Variants in VSTM2L observed in about 807,000 individuals in gnomAD.
The protein encoded by VSTM2L is V-set and transmembrane domain-containing protein 2-like protein.
VSTM2L carries 9 observed loss-of-function variants against 19.9 expected under a neutral mutation model. That is an observed-to-expected ratio of 0.45 (90% CI 0.27 to 0.79). The LOEUF (loss-of-function observed/expected upper bound fraction) is 0.79, where lower values mean the gene tolerates loss of function less well. VSTM2L is among the 30% of genes least tolerant of loss of function. VSTM2L has a pLI of 0.15. For synonymous variants in VSTM2L, 127 were observed against 133.8 expected, an observed-to-expected ratio of 0.95 and a Z score of 0.35; for missense variants, 286 against 295.5, an observed-to-expected ratio of 0.97 and a Z score of 0.24.
At chr20:37,911,443 G>A (rs2072779087) in intron 1 of VSTM2L, among the ~76,000 whole-genome samples, 1 of 151,952 alleles carries the variant, frequency 6.6e-6, no homozygotes, top group South Asian at 2.1e-4. Flanking sequence ...TGTTGAAGTA[G>A]GCAGAGCAGC....
At chr20:37,940,562 A>G (rs555642839) in intron 3 of VSTM2L, among the ~76,000 whole-genome samples, 1 of 152,322 alleles carries the variant, frequency 6.6e-6, no homozygotes, top group South Asian at 2.1e-4. Context: ...GAGCGCATGG[A>G]GCCTGTTCCC....
At chr20:37,925,405 A>G (rs2072874136) in intron 1 of VSTM2L, among the ~76,000 whole-genome samples, 1 of 152,078 alleles carries the variant, frequency 6.6e-6, no homozygotes, top group South Asian at 2.1e-4. Flanking sequence ...GAGGGGAGAG[A>G]GTCTCTGGAA....
At chr20:37,918,677 G>A (rs976644046) in intron 1 of VSTM2L, among the ~76,000 whole-genome samples, 3 of 152,218 alleles carry the variant, frequency 2.0e-5, no homozygotes, top group Non-Finnish European at 4.4e-5. Context: ...CAGGGACCCT[G>A]TGGAAATGGT....
At chr20:37,904,238 CATGGGA>C (rs1459705591) in intron 1 of VSTM2L, among the ~76,000 whole-genome samples, 2 of 152,236 alleles carry the variant, frequency 1.3e-5, no homozygotes, top group Non-Finnish European at 2.9e-5. Context: ...CAGCCAGAGG[CATGGGA>C]GTGGGAGTGG....
intron 1 of VSTM2L, among the ~76,000 whole-genome samples, chr20:37,918,727 G>T (rs1480734517): frequency 6.6e-6 from 1 of 152,142 alleles, no homozygotes; most frequent in Non-Finnish European, 1.5e-5. Context: ...ACCCCTCTCT[G>T]GTATGCCCTT....
At chr20:37,943,956 G>A (rs2072989990) in intron 3 of VSTM2L, 25 bp from the exon 4 acceptor site, 2 of 1,447,176 alleles carry the variant, frequency 1.4e-6, no homozygotes, top group East Asian at 5.2e-5. Context: ...GGATGGACAG[G>A]TCACGGTCTC....
chr20:37,910,816 C>T (rs1474948575), intron 1 of VSTM2L, among the ~76,000 whole-genome samples: 1 of 151,272 alleles, frequency 6.6e-6, no homozygotes, highest in Non-Finnish European at 1.5e-5. Context: ...ACTTGGGAGG[C>T]TGGGGTGGGA....
Position 37,926,091 on chromosome 20 carries a change from C to T in VSTM2L, c.122-5544C>T, listed in dbSNP as rs543062230. Among the ~76,000 whole-genome samples, 6 of 152,256 alleles carry T rather than the reference C, an allele frequency of 3.9e-5. No individual in the cohort carries two copies. The South Asian group carries it at 8.3e-4, about 21-fold the overall frequency. On this transcript the variant is annotated intron_variant, in intron 1 of 3. Coordinates refer to ENST00000373461, the MANE Select transcript of VSTM2L (RefSeq NM_080607.3). Reference sequence around the variant, plus strand: ...TTGTTTGTTTTTTGAGATGGAGTTTCGCTCTTGTTGCCCAGGCTGGAGTGC... The same window carrying T: ...TTGTTTGTTTTTTGAGATGGAGTTTTGCTCTTGTTGCCCAGGCTGGAGTGC...
chr20:37,908,313 G>A (rs558820430), intron 1 of VSTM2L, among the ~76,000 whole-genome samples: 2 of 152,310 alleles, frequency 1.3e-5, no homozygotes, highest in South Asian at 2.1e-4. Context: ...GAGGGGAGTC[G>A]GGTAAGTGAC....
intron 1 of VSTM2L, among the ~76,000 whole-genome samples, chr20:37,922,463 C>A (rs1019313204): frequency 6.6e-6 from 1 of 152,084 alleles, no homozygotes; most frequent in African/African-American, 2.4e-5. Flanking sequence ...GAGGTGGGGC[C>A]GGGCTGAGGG....
At chr20:37,933,490 G>A in intron 2 of VSTM2L, 49 bp from the exon 3 acceptor site, 3 of 1,183,104 alleles carry the variant, frequency 2.5e-6, no homozygotes, top group Admixed American at 2.0e-5. Flanking sequence ...CCCCCACCCT[G>A]TGCTAACACC....
At position 37,944,748 on chromosome 20, in the gene VSTM2L, C is replaced by G; in HGVS notation, c.*495C>G. 1 of 986,674 alleles carries G rather than the reference C, an allele frequency of 1.0e-6. No homozygotes were observed. The highest frequency in any genetic ancestry group is 1.2e-6 in the Non-Finnish European group (1 of 830,702). The allele number at this position is 986,674 out of a possible 1,614,324, so 61.1% of individuals were successfully genotyped here. A position where few individuals can be genotyped will look rare whatever the true frequency, so the allele number is the denominator to read the frequency against. On this transcript the variant is annotated 3_prime_UTR_variant, in exon 4 of 4. Coordinates refer to ENST00000373461, the MANE Select transcript of VSTM2L (RefSeq NM_080607.3). ...CTAGGGCCTCTCCCCTGGTGAAGACCCAGGGAACCCAGGAGGGCCCTTCTG... is the reference window on the plus strand; with the variant it reads ...CTAGGGCCTCTCCCCTGGTGAAGACGCAGGGAACCCAGGAGGGCCCTTCTG...
At chr20:37,911,577 C>T (rs1341641609) in intron 1 of VSTM2L, among the ~76,000 whole-genome samples, 2 of 152,220 alleles carry the variant, frequency 1.3e-5, no homozygotes, top group African/African-American at 4.8e-5. Flanking sequence ...GGGGTCATGG[C>T]AGGGATGGGG....
At chr20:37,931,147 G>A (rs1210928618) in intron 1 of VSTM2L, among the ~76,000 whole-genome samples, 1 of 152,212 alleles carries the variant, frequency 6.6e-6, no homozygotes, top group African/African-American at 2.4e-5. Context: ...GGTCCCAGGG[G>A]AGGGTTCTAA....
intron 1 of VSTM2L, among the ~76,000 whole-genome samples, chr20:37,916,099 A>G (rs745576084): frequency 2.2e-4 from 34 of 152,182 alleles, no homozygotes; most frequent in Non-Finnish European, 4.7e-4. Context: ...TCCCGGCAGC[A>G]GAGGATGGCT....
chr20:37,913,481 G>A (rs150261675), intron 1 of VSTM2L, among the ~76,000 whole-genome samples: 117 of 152,286 alleles, frequency 7.7e-4, no homozygotes, highest in African/African-American at 2.6e-3. Flanking sequence ...GGGTGGGAAC[G>A]AACTTCATTC....
intron 3 of VSTM2L, 67 bp downstream of exon 3, chr20:37,933,656 T>A (rs1186373185): frequency 9.2e-6 from 14 of 1,514,814 alleles, no homozygotes; most frequent in East Asian, 2.3e-5. Context: ...TAAAAAAAAA[T>A]TGGGGTCCAG....
At chr20:37,923,648 A>T (rs931679631) in intron 1 of VSTM2L, among the ~76,000 whole-genome samples, 1 of 152,314 alleles carries the variant, frequency 6.6e-6, no homozygotes, top group African/African-American at 2.4e-5. Context: ...AGGGGGGCTC[A>T]GGGGCCGGGT....
chr20:37,931,006 C>T (rs574868415), intron 1 of VSTM2L, among the ~76,000 whole-genome samples: 1 of 152,186 alleles, frequency 6.6e-6, no homozygotes, highest in African/African-American at 2.4e-5. Flanking sequence ...AGGAGCCAGC[C>T]GGGCAAAGAG....
Sources: gnomAD v4.1 joint callset for allele counts (sites outside exome capture counted in the v4.1 genomes callset) on GRCh38, gnomAD v4.1.1 for gene constraint, MANE v1.5 for transcripts, NCBI Gene and HGNC (gene_info 2026-07-23, HGNC 2026-07-21) for gene names.